The following ARPP21 variants were observed in gnomAD, a reference collection of about 807,000 sequenced individuals.
The protein encoded by ARPP21 is cAMP regulated phosphoprotein 21, also known as cAMP-regulated phosphoprotein 21.
In ARPP21, 69 loss-of-function variants were observed where a neutral mutation model predicts 113.2. The ratio of observed to expected loss-of-function variants is 0.61; its 90% CI spans 0.50 to 0.74. ARPP21 has a LOEUF of 0.74. Ranked by LOEUF, ARPP21 falls within the 30% of genes least tolerant of loss-of-function variation. The probability of loss-of-function intolerance (pLI) is 0.00; values close to 1 mark genes in which losing one functional copy is unlikely to be tolerated. For missense variants in ARPP21, 1,070 were observed against 1,037.4 expected (o/e 1.03, Z -0.43); for synonymous variants, 368 against 375.5 (o/e 0.98, Z 0.23).
intron 1 of ARPP21, among the ~76,000 whole-genome samples, chr3:35,677,790 C>G (rs1163002166): frequency 2.0e-5 from 3 of 151,934 alleles, no homozygotes; most frequent in African/African-American, 7.2e-5. Flanking sequence ...GAAATTGAAA[C>G]AGATCAAAAT....
chr3:35,676,876 C>T (rs1559575690), intron 1 of ARPP21, among the ~76,000 whole-genome samples: 2 of 151,798 alleles, frequency 1.3e-5, no homozygotes. Flanking sequence ...GGGTTATATG[C>T]TTGGCTTATA....
Position 35,729,330 on chromosome 3 carries a change from C to T in ARPP21, c.1253C>T (p.Ser418Phe). The change falls in exon 15 of 21, where the codon TCC becomes TTC. Residue 418 changes from serine to phenylalanine, a missense_variant. By Grantham distance (155) the Ser-to-Phe change is radical. Transcript: ENST00000684406. ...AGSESSSSAGSSGSLSRTHPP... is the reference protein window; with the variant it reads ...AGSESSSSAGFSGSLSRTHPP... ...TCCGAGTCTTCCAGCAGTGCAGGCT[C>T]CTCAGGATCGCTGTCCCGCACCCAT... 6.2e-7 allele frequency: 1 copy of T among 1,614,126 alleles called. No homozygotes were observed. Among genetic ancestry groups the T allele is most frequent in the Non-Finnish European group, 8.5e-7 (1 of 1,180,006 alleles).
chr3:35,756,534 G>A (rs2095576331), intron 19 of ARPP21, among the ~76,000 whole-genome samples: 1 of 152 alleles, frequency 6.6e-3, no homozygotes, highest in Non-Finnish European at 0.014. Context: ...AATCCTTCCT[G>A]GTGGGTGATA....
intron 9 of ARPP21, among the ~76,000 whole-genome samples, chr3:35,691,348 T>G (rs760448158): frequency 6.6e-6 from 1 of 151,724 alleles, no homozygotes; most frequent in Non-Finnish European, 1.5e-5. Context: ...TATTTTTAAA[T>G]GACCATGACA....
At position 35,689,512 on chromosome 3, in the gene ARPP21, G is replaced by A. The variant is rs186823462; in HGVS notation, c.485+127G>A. On this transcript the variant is annotated intron_variant, in intron 7 of 20. Transcript: ENST00000684406. ...GATACCTTCCCTGACGTCTTAAACT[G>A]TCTCCTGTATTTTTTTTCTACTAAT... The A allele has an allele frequency of 6.6e-4, 390 of 591,938 alleles. No individual in the cohort carries two copies. In the African/African-American group the frequency reaches 7.1e-3, roughly 11 times the overall value. The allele number at this position is 591,938 out of a possible 1,614,324, so 36.7% of individuals were successfully genotyped here.
chr3:35,702,970 C>T (rs2087040748), intron 9 of ARPP21, among the ~76,000 whole-genome samples: 1 of 151,728 alleles, frequency 6.6e-6, no homozygotes, highest in African/African-American at 2.4e-5. Context: ...CTTACACCAT[C>T]AAAATACTTT....
chr3:35,717,457 T>TA, intron 13 of ARPP21, 100 bp downstream of exon 13: 1 of 766,902 alleles, frequency 1.3e-6, no homozygotes, highest in Non-Finnish European at 2.3e-6. Context: ...TCTGTTCATT[T>TA]AAAAAAGTCT....
intron 6 of ARPP21, among the ~76,000 whole-genome samples, chr3:35,688,652 G>T (rs186786468): frequency 7.9e-5 from 12 of 151,662 alleles, no homozygotes; most frequent in Middle Eastern, 3.4e-3. Flanking sequence ...AATGACAACC[G>T]CCTCTAACAG....
chr3:35,735,046 G>A (rs1011121806), intron 15 of ARPP21, among the ~76,000 whole-genome samples: 5 of 152,054 alleles, frequency 3.3e-5, no homozygotes, highest in East Asian at 3.9e-4. Context: ...TATGAATATC[G>A]TATGTACTTT....
intron 1 of ARPP21, among the ~76,000 whole-genome samples, chr3:35,651,249 A>G (rs1702254946): frequency 6.6e-6 from 1 of 152,102 alleles, no homozygotes; most frequent in Non-Finnish European, 1.5e-5. Context: ...ATTTGGAGGC[A>G]GAGAGATGTC....
rs1247303805 is a variant in ARPP21, at chr3:35,690,133, GACA to G, written c.543_545del (p.Asn183del). 3.4e-6 allele frequency: 5 copies of G among 1,450,140 alleles called. No homozygotes were observed. Among genetic ancestry groups the G allele is most frequent in the Admixed American group, 3.4e-5 (2 of 59,364 alleles). The allele number at this position is 1,450,140 out of a possible 1,614,324, so 89.8% of individuals were successfully genotyped here. A position where few individuals can be genotyped will look rare whatever the true frequency, so the allele number is the denominator to read the frequency against. ...GCAGGAAATTATTGATTTCATTGCT[GACA>G]ACAAGTATGTTAAACTTCAATGCTG... On this transcript the variant is annotated inframe_deletion, in exon 8 of 21. Coordinates refer to ENST00000684406, the MANE Select transcript of ARPP21 (RefSeq NM_001385562.1).
chr3:35,658,862 G>T (rs1204607655), intron 1 of ARPP21, among the ~76,000 whole-genome samples: 3 of 152,062 alleles, frequency 2.0e-5, no homozygotes, highest in Non-Finnish European at 4.4e-5. Flanking sequence ...GAGATGGAGT[G>T]CAGGCCAATC....
chr3:35,711,526 A>T (rs1472257715), intron 11 of ARPP21, among the ~76,000 whole-genome samples: 3 of 152,134 alleles, frequency 2.0e-5, no homozygotes, highest in Non-Finnish European at 4.4e-5. Flanking sequence ...AAAATTCCAA[A>T]ATTTGGCAGC....
intron 19 of ARPP21, among the ~76,000 whole-genome samples, chr3:35,775,478 G>A (rs2151605988): frequency 6.6e-6 from 1 of 152,142 alleles, no homozygotes; most frequent in South Asian, 2.1e-4. Flanking sequence ...ATATGTGTGT[G>A]TATATATATG....
intron 19 of ARPP21, among the ~76,000 whole-genome samples, chr3:35,760,520 A>C (rs1386072755): frequency 6.6e-6 from 1 of 151,900 alleles, no homozygotes; most frequent in Admixed American, 6.6e-5. Context: ...GATAACAGGC[A>C]CAGAAGTAGA....
intron 19 of ARPP21, among the ~76,000 whole-genome samples, chr3:35,775,762 A>G (rs2096344466): frequency 6.6e-6 from 1 of 152,162 alleles, no homozygotes; most frequent in Non-Finnish European, 1.5e-5. Flanking sequence ...GAGACAGAAA[A>G]TAGTGACATT....
At chr3:35,760,570 G>A (rs994185901) in intron 19 of ARPP21, among the ~76,000 whole-genome samples, 39 of 151,960 alleles carry the variant, frequency 2.6e-4, no homozygotes, top group African/African-American at 9.2e-4. Context: ...GGAGTTTGAT[G>A]TCTGCTCCTC....
At chr3:35,684,603 A>G (rs761724558) in intron 5 of ARPP21, 1 of 985,478 alleles carries the variant, frequency 1.0e-6, no homozygotes, top group Non-Finnish European at 1.2e-6. Flanking sequence ...TCAAGACAAA[A>G]GTAAAATGGT....
chr3:35,697,183 G>C (rs2084385979), intron 9 of ARPP21, among the ~76,000 whole-genome samples: 1 of 151,480 alleles, frequency 6.6e-6, no homozygotes, highest in Admixed American at 6.6e-5. Flanking sequence ...TTTTTGTCTT[G>C]TCTTTTACAT....
Sources: allele counts gnomAD v4.1 joint callset (sites outside exome capture counted in the v4.1 genomes callset), GRCh38; gene constraint gnomAD v4.1.1; transcripts MANE v1.5; gene names NCBI Gene and HGNC (gene_info 2026-07-23, HGNC 2026-07-21).